Variants in SETX observed in about 807,000 individuals in gnomAD.
SETX encodes senataxin, also known as helicase senataxin.
Under a neutral mutation model 227.2 loss-of-function variants are expected in SETX, and 90 were observed. The observed-to-expected ratio is 0.40, with a 90% CI of 0.33 to 0.47. SETX has a LOEUF of 0.47. SETX is among the 20% of genes least tolerant of loss of function. The pLI is 0.91. For missense variants in SETX, 3,052 were observed against 3,181.5 expected (o/e 0.96, Z 0.98); for synonymous variants, 1,210 against 1,113.2 (o/e 1.09, Z -1.73).
At chr9:132,314,905 T>TG (rs1400460314) in intron 10 of SETX, among the ~76,000 whole-genome samples, 5 of 136,196 alleles carry the variant, frequency 3.7e-5, no homozygotes, top group Non-Finnish European at 7.7e-5. Flanking sequence ...TATTTTATTG[T>TG]GTTTTTTTTT....
rs749669332 is a variant in SETX, at chr9:132,330,103, C to A, written c.1495G>T (p.Ala499Ser). Residue 499 changes from alanine to serine, a missense_variant, in exon 10 of 26, where the codon GCG becomes TCG. By Grantham distance (99) the Ala-to-Ser change is moderately conservative. This residue lies in a region of SETX where 179 missense variants were observed against 197.1 expected (regional missense o/e 0.91). Transcript: ENST00000224140. ...GATTTCTCAGAACTCCGTGTAAACG[C>A]AGTGGTAGGAAGCTTGGCACATTTG... ...VVKCAKLPTT[A>S]FTRSSEKSSG... is the part of the protein sequence containing the mutation. The A allele has an allele frequency of 1.2e-6, 2 of 1,614,142 alleles. No individual in the cohort carries two copies. The highest frequency in any genetic ancestry group is 8.5e-7 in the Non-Finnish European group (1 of 1,179,962).
chr9:132,349,707 AAAC>A (rs1156757226), intron 2 of SETX, among the ~76,000 whole-genome samples: 4 of 152,258 alleles, frequency 2.6e-5, no homozygotes, highest in African/African-American at 7.2e-5. Context: ...AGAAGGCTCA[AAAC>A]AACACAGTAC....
At position 132,347,488 on chromosome 9, in the gene SETX, T is replaced by C. The variant is rs566348035; in HGVS notation, c.178-1017A>G. 7.9e-5 allele frequency among the ~76,000 whole-genome samples: 12 copies of C among 151,710 alleles called. No homozygotes were observed. The East Asian group carries it at 2.4e-3, about 30-fold the overall frequency. The stretch of plus-strand genomic sequence containing the variant: ...CCACCACGCCTGGCTAATTTTTGTA[T>C]TTTAGTAGAGACGGACTTTCACCAT... On this transcript the variant is annotated intron_variant, in intron 3 of 25. Transcript: ENST00000224140.
chr9:132,291,622 G>T (rs756223536), intron 15 of SETX, among the ~76,000 whole-genome samples: 1 of 152,100 alleles, frequency 6.6e-6, no homozygotes, highest in Non-Finnish European at 1.5e-5. Context: ...GAAATCCCTA[G>T]AGGCCAAAAA....
In SETX at chr9:132,328,294, A is replaced by T. The variant is rs1195686717; in HGVS notation, c.3304T>A (p.Ser1102Thr). The T allele has an allele frequency of 6.2e-7, 1 of 1,613,922 alleles. No individual in the cohort carries two copies. Among genetic ancestry groups the T allele is most frequent in the African/African-American group, 1.3e-5 (1 of 74,912 alleles). ...CATTTTTTCTCACCATCTTGAACTG[A>T]ATTATTATCGTCTGGATGATCTTGC... is the stretch of plus-strand genomic sequence containing the variant. ...VWQDHPDDNN[S>T]VQDGEKKCLA... Residue 1102 changes from serine to threonine, a missense_variant, in exon 10 of 26, where the codon TCA becomes ACA. This residue lies in a region of SETX where 1,483 missense variants were observed against 1,312.0 expected (regional missense o/e 1.13). Coordinates refer to ENST00000224140, the MANE Select transcript of SETX (RefSeq NM_015046.7).
Position 132,278,192 on chromosome 9 carries a change from A to G in SETX, c.6720T>C (p.Asn2240=). Residue 2240 remains asparagine, a synonymous_variant, in exon 21 of 26, where the codon AAT becomes AAC. Transcript: ENST00000224140. The stretch of plus-strand genomic sequence containing the variant: ...GCCTGCTGATCATGTTGTGTTCTAC[A>G]TTCTCTTCCAGCAGTCTGCAGAAGC... ...MARFCRLLEE[N]VEHNMISRLP... is the part of the protein sequence containing the mutation. The G allele has an allele frequency of 6.2e-7, 1 of 1,614,184 alleles. No homozygotes were observed. The highest frequency in any genetic ancestry group is 8.5e-7 in the Non-Finnish European group (1 of 1,180,026).
chr9:132,298,205 T>G lies in SETX; in HGVS notation c.5656A>C (p.Thr1886Pro). Reference sequence around the variant, plus strand: ...GACATGGCTTTCAACTTCCTTTGTGTAGTTACCAGAGAACTGATTACAATA... The same window carrying G: ...GACATGGCTTTCAACTTCCTTTGTGGAGTTACCAGAGAACTGATTACAATA... ...NCIVISSLVT[T>P]QRKLKAMSLL... The change falls in exon 13 of 26, where the codon ACA becomes CCA. Residue 1886 changes from threonine (T) to proline (P), a missense_variant. Thr to Pro is a conservative substitution (Grantham distance 38). Coordinates refer to ENST00000224140, the MANE Select transcript of SETX (RefSeq NM_015046.7). 1 of 1,614,116 alleles carries G rather than the reference T, an allele frequency of 6.2e-7. No homozygotes were observed. Among genetic ancestry groups the G allele is most frequent in the Non-Finnish European group, 8.5e-7 (1 of 1,179,990 alleles).
intron 7 of SETX, 127 bp from the exon 8 acceptor site, chr9:132,331,575 T>G: frequency 2.0e-6 from 2 of 1,012,316 alleles, no homozygotes; most frequent in Non-Finnish European, 3.0e-6. Flanking sequence ...GAGCAAATAA[T>G]TTAAAGCAGT....
intron 10 of SETX, among the ~76,000 whole-genome samples, chr9:132,321,677 C>CA (rs1326460459): frequency 0.026 from 2,075 of 79,022 alleles, 38 homozygotes; most frequent in African/African-American, 0.043. Context: ...AAAAAAACTA[C>CA]AAAAAAAAAA....
Position 132,328,202 on chromosome 9 carries a change from T to G in SETX, c.3396A>C (p.Lys1132Asn). 3 of 1,614,190 alleles carry G rather than the reference T, an allele frequency of 1.9e-6. No homozygotes were observed. Among genetic ancestry groups the G allele is most frequent in the Non-Finnish European group, 2.5e-6 (3 of 1,180,032 alleles). ...GTTCTTCAATGCCCTCTGCTCCTTT[T>G]TTAACAACTTCAGATACATAATCTG... ...GCTDYVSEVV[K>N]KGAEGIEEHT... The change falls in exon 10 of 26, where the codon AAA (lysine) becomes AAC (asparagine). Residue 1132 changes from lysine (K) to asparagine (N), a missense_variant. Around this residue, in one of 10 missense-constraint regions of SETX, gnomAD observed 1,483 missense variants for 1,312.0 expected, o/e 1.13. Coordinates refer to ENST00000224140, the MANE Select transcript of SETX (RefSeq NM_015046.7).
At chr9:132,325,434 G>A (rs558788431) in intron 10 of SETX, among the ~76,000 whole-genome samples, 108 of 151,480 alleles carry the variant, frequency 7.1e-4, no homozygotes, top group Middle Eastern at 3.4e-3. Context: ...ATTACTTTGT[G>A]TTCAATGTAA....
chr9:132,334,200 C>G (rs907590230), intron 7 of SETX, among the ~76,000 whole-genome samples: 2 of 152,200 alleles, frequency 1.3e-5, no homozygotes, highest in African/African-American at 4.8e-5. Flanking sequence ...AATCCCAGCA[C>G]TTTGGGAGGC....
intron 4 of SETX, among the ~76,000 whole-genome samples, chr9:132,343,815 TGAA>T (rs1172163622): frequency 2.0e-5 from 3 of 152,218 alleles, no homozygotes; most frequent in African/African-American, 7.2e-5. Context: ...CTTTAATACT[TGAA>T]GAAGTCTTAG....
At chr9:132,281,762 T>G (rs1341558890) in intron 19 of SETX, among the ~76,000 whole-genome samples, 188 bp from the exon 20 acceptor site, 1 of 152,124 alleles carries the variant, frequency 6.6e-6, no homozygotes, top group Non-Finnish European at 1.5e-5. Flanking sequence ...CTCCAGGCTG[T>G]GTGCAGTGGC....
chr9:132,338,114 C>T (rs1847746958), intron 5 of SETX, among the ~76,000 whole-genome samples: 1 of 124,036 alleles, frequency 8.1e-6, no homozygotes, highest in Admixed American at 9.9e-5. Context: ...TTTTTTGAGA[C>T]AGAGTCTTAC....
At chr9:132,284,578 T>C (rs1459507623) in intron 18 of SETX, among the ~76,000 whole-genome samples, 1 of 152,202 alleles carries the variant, frequency 6.6e-6, no homozygotes, top group South Asian at 2.1e-4. Context: ...CAAGCTTCAA[T>C]GAGTCTAAAT....
intron 14 of SETX, among the ~76,000 whole-genome samples, chr9:132,296,617 A>G (rs931411926): frequency 1.3e-5 from 2 of 151,992 alleles, no homozygotes; most frequent in Non-Finnish European, 2.9e-5. Flanking sequence ...CATTCACAGC[A>G]TTCTACGTGA....
At chr9:132,301,935 T>C (rs1362126139) in intron 11 of SETX, among the ~76,000 whole-genome samples, 2 of 152,214 alleles carry the variant, frequency 1.3e-5, no homozygotes, top group Admixed American at 1.3e-4. Flanking sequence ...AAACCACTGC[T>C]GAGAGAAACT....
Position 132,329,757 on chromosome 9 carries a change from A to G in SETX, c.1841T>C (p.Ile614Thr), listed in dbSNP as rs1461112699. The change falls in exon 10 of 26, where the codon ATC becomes ACC. Residue 614 changes from isoleucine to threonine, a missense_variant. Around this residue, in one of 10 missense-constraint regions of SETX, gnomAD observed 1,483 missense variants for 1,312.0 expected, o/e 1.13. Coordinates refer to ENST00000224140, the MANE Select transcript of SETX (RefSeq NM_015046.7). ...TFVDLTSACKISPASYNKEES... is the reference protein window; with the variant it reads ...TFVDLTSACKTSPASYNKEES... ...TTCTTTATTATAAGATGCAGGAGAG[A>G]TTTTACATGCAGAAGTCAGATCCAC... 8.7e-6 allele frequency: 14 copies of G among 1,613,920 alleles called. No individual in the cohort carries two copies. The highest frequency in any genetic ancestry group is 1.2e-5 in the Non-Finnish European group (14 of 1,180,010).
Sources: allele counts gnomAD v4.1 joint callset (sites outside exome capture counted in the v4.1 genomes callset), GRCh38; gene constraint gnomAD v4.1.1; regional missense constraint gnomAD v4.1.1; transcripts MANE v1.5; gene names NCBI Gene and HGNC (gene_info 2026-07-23, HGNC 2026-07-21).